The following DHX16 variants were observed in gnomAD, a reference collection of about 807,000 sequenced individuals.
The protein encoded by DHX16 is pre-mRNA-splicing factor ATP-dependent RNA helicase DHX16.
A neutral mutation model predicts 131.2 loss-of-function variants in DHX16; 81 were observed. The ratio of observed to expected loss-of-function variants is 0.62; its 90% confidence interval spans 0.52 to 0.74. The LOEUF is 0.74. Ranked by LOEUF, DHX16 falls within the 30% of genes least tolerant of loss-of-function variation. The probability of loss-of-function intolerance (pLI) is 0.00; values close to 1 mark genes in which losing one functional copy is unlikely to be tolerated. For synonymous variants in DHX16, 440 were observed against 520.2 expected, an observed-to-expected ratio of 0.85 and a Z score of 2.10; for missense variants, 980 against 1,363.1, an observed-to-expected ratio of 0.72 and a Z score of 4.43.
Position 30,662,902 on chromosome 6 carries a change from A to G in DHX16, c.1428+9T>C, listed in dbSNP as rs1382530929. On this transcript the variant is annotated intron_variant, in intron 8 of 19. Coordinates refer to ENST00000376442, the MANE Select transcript of DHX16 (RefSeq NM_003587.5). This position sits in a 1 kb window ranked among gnomAD's most constrained non-coding sequence, Gnocchi z 4.7. ...CAGACTCTACCCCCCGGTTCCCTAG[A>G]AATCTCACCTCATTCCCAAGCTTCA... is the stretch of plus-strand genomic sequence containing the variant. 1 of 1,611,656 alleles carries G rather than the reference A, an allele frequency of 6.2e-7. No homozygotes were observed. Among genetic ancestry groups the G allele is most frequent in the Admixed American group, 1.7e-5 (1 of 59,992 alleles).
At position 30,665,166 on chromosome 6, in the gene DHX16, G is replaced by A. The variant is rs781207840; in HGVS notation, c.1030C>T (p.Arg344Ter). The A allele has an allele frequency of 8.7e-6, 14 of 1,612,816 alleles. No individual in the cohort carries two copies. Among genetic ancestry groups the A allele is most frequent in the Non-Finnish European group, 1.1e-5 (13 of 1,179,862 alleles). ...LGAASLKFGA[R>*]DAASQEPKYQ... ...TTGGGCTCCTGAGAGGCAGCATCTC[G>A]GGCCCCAAACTTCAGGGACGCTGCC... The change falls in exon 6 of 20, where the codon CGA becomes TGA. Residue 344 changes from arginine (R) to a stop codon, truncating the protein, a stop_gained. Coordinates refer to ENST00000376442, the MANE Select transcript of DHX16 (RefSeq NM_003587.5). LOFTEE classifies it high-confidence loss of function. This position sits in a 1 kb window ranked among gnomAD's most constrained non-coding sequence, Gnocchi z 4.8.
At chr6:30,671,439 C>G (rs1176964946) in intron 1 of DHX16, among the ~76,000 whole-genome samples, 165 bp from the exon 2 acceptor site, 1 of 152,180 alleles carries the variant, frequency 6.6e-6, no homozygotes, top group African/African-American at 2.4e-5. Context: ...CCTCCGCCTC[C>G]CAGGTTCAAG....
rs1562002121 is a variant in DHX16 at position 30,671,167 on chromosome 6, C to G, written c.315G>C (p.Glu105Asp). The G allele has an allele frequency of 2.5e-6, 4 of 1,613,094 alleles. No individual in the cohort carries two copies. Among genetic ancestry groups the G allele is most frequent in the Non-Finnish European group, 2.5e-6 (3 of 1,180,040 alleles). ...RSYRLLEDSE[E>D]SSEETVSRAG... ...CCCTACTCACAGTCTCCTCACTGCT[C>G]TCTTCACTGTCTTCCAGTAACCTAT... Residue 105 changes from glutamate to aspartate, a missense_variant, in exon 2 of 20, where the codon GAG becomes GAC. Physicochemically the swap from Glu to Asp is conservative, Grantham distance 45 (BLOSUM62 2). Around this residue, in one of 3 missense-constraint regions of DHX16, gnomAD observed 457 missense variants for 554.8 expected, o/e 0.82. Transcript: ENST00000376442.
At position 30,669,234 on chromosome 6, in the gene DHX16, C is replaced by T. The variant is rs187140838; in HGVS notation, c.666+1176G>A. On this transcript the variant is annotated intron_variant, in intron 4 of 19. Transcript: ENST00000376442. ...GTCAAGAGATCAAGACCATCCTGGC[C>T]AACATGATGAAATCTCCTCTACTAA... Among the ~76,000 whole-genome samples the T allele has an allele frequency of 4.1e-4, 62 of 152,132 alleles. No homozygotes were observed. The East Asian group carries it at 9.3e-3, about 23-fold the overall frequency.
Position 30,665,059 on chromosome 6 carries a change from C to G in DHX16, c.1125+12G>C, listed in dbSNP as rs1768896605. The G allele has an allele frequency of 6.2e-7, 1 of 1,613,868 alleles. No individual in the cohort carries two copies. Among genetic ancestry groups the G allele is most frequent in the Admixed American group, 1.7e-5 (1 of 59,978 alleles). ...GGGTCTTCCTCAGAAAGTCTCCCAG[C>G]TCCCCTCTTACCTCATCACCCTGGA... On this transcript the variant is annotated intron_variant, in intron 6 of 19. Transcript: ENST00000376442. The surrounding 1 kb of genome is among the most constrained non-coding windows in gnomAD (Gnocchi z 4.8).
chr6:30,659,363 C>A, intron 12 of DHX16, 109 bp downstream of exon 12: 2 of 1,207,504 alleles, frequency 1.7e-6, no homozygotes, highest in Non-Finnish European at 2.3e-6. Context: ...TGCTCCTCAG[C>A]TGTGTGCAGC....
At chr6:30,655,628 A>G (rs1767913076) in intron 16 of DHX16, 31 bp from the exon 17 acceptor site, 2 of 1,611,694 alleles carry the variant, frequency 1.2e-6, no homozygotes, top group African/African-American at 2.7e-5. Flanking sequence ...CATGAGTTCA[A>G]AGCAAGACAC....
In DHX16 at chr6:30,662,850, G is replaced by A; in HGVS notation, c.1428+61C>T. 3.2e-6 allele frequency: 5 copies of A among 1,569,768 alleles called. No homozygotes were observed. The highest frequency in any genetic ancestry group is 3.5e-6 in the Non-Finnish European group (4 of 1,142,288). The stretch of plus-strand genomic sequence containing the variant: ...CAAGACTTCTGCTGTAGGGACCTGA[G>A]GGAACTGTAGACTGAGTCACAGACC... On this transcript the variant is annotated intron_variant, in intron 8 of 19. Transcript: ENST00000376442. The surrounding 1 kb of genome is among the most constrained non-coding windows in gnomAD (Gnocchi z 4.7).
intron 19 of DHX16, among the ~76,000 whole-genome samples, chr6:30,654,006 C>G (rs1767715019): frequency 6.6e-6 from 1 of 152,010 alleles, no homozygotes; most frequent in Non-Finnish European, 1.5e-5. Context: ...GTAATCCCAG[C>G]TACACTGGAG....
intron 4 of DHX16, among the ~76,000 whole-genome samples, chr6:30,666,320 T>C (rs909722275): frequency 2.0e-5 from 3 of 152,216 alleles, no homozygotes; most frequent in African/African-American, 7.2e-5. Flanking sequence ...GGCTTTCTGG[T>C]ACTAACCTCT....
chr6:30,671,811 T>G (rs1769584641), intron 1 of DHX16, among the ~76,000 whole-genome samples: 1 of 151,938 alleles, frequency 6.6e-6, no homozygotes, highest in Non-Finnish European at 1.5e-5. Context: ...GGCTCCTAAG[T>G]AGCTAGAAAC....
rs1489590051 is a variant in DHX16, at chr6:30,662,636, G to C, written c.1535C>G (p.Ala512Gly). 9 of 1,612,326 alleles carry C rather than the reference G, an allele frequency of 5.6e-6. No homozygotes were observed. The highest frequency in any genetic ancestry group is 2.5e-6 in the Non-Finnish European group (3 of 1,179,454). Residue 512 changes from alanine to glycine, a missense_variant, in exon 9 of 20, where the codon GCG (alanine) becomes GGG (glycine). By Grantham distance (60) the Ala-to-Gly change is moderately conservative. Transcript: ENST00000376442. This position sits in a 1 kb window ranked among gnomAD's most constrained non-coding sequence, Gnocchi z 4.7. ...LREFLSEPDLASYSVVMVDEA... is the reference protein window; with the variant it reads ...LREFLSEPDLGSYSVVMVDEA... Reference sequence around the variant, plus strand: ...CAGAGATTAGAGATACCTGTAACTCGCCAGGTCAGGCTCAGAGAGGAACTC... The same window carrying C: ...CAGAGATTAGAGATACCTGTAACTCCCCAGGTCAGGCTCAGAGAGGAACTC...
rs755421363 is a variant in DHX16 at position 30,654,800 on chromosome 6, ACTGT to A, written c.2899_2902del (p.Thr967SerfsTer24). The A allele has an allele frequency of 9.9e-6, 16 of 1,613,014 alleles. No homozygotes were observed. Among genetic ancestry groups the A allele is most frequent in the South Asian group, 2.2e-5 (2 of 91,078 alleles). On this transcript the variant is annotated frameshift_variant, in exon 19 of 20. Transcript: ENST00000376442. LOFTEE classifies it high-confidence loss of function. ...GAGGGAGGAGTTGGGATGAATGAAG[ACTGT>A]CTGCTGCTGTTTCACTGTGCGGTAG...
In DHX16 at chr6:30,662,732, C is replaced by A. The variant is rs1768629567; in HGVS notation, c.1439G>T (p.Ser480Ile). 6.2e-7 allele frequency: 1 copy of A among 1,612,792 alleles called. No homozygotes were observed. Among genetic ancestry groups the A allele is most frequent in the Non-Finnish European group, 8.5e-7 (1 of 1,179,958 alleles). ...GVKLGNEVGYSIRFEDCTSER... is the reference protein window; with the variant it reads ...GVKLGNEVGYIIRFEDCTSER... ...TGATGTGCAGTCCTCAAAGCGGATG[C>A]TGTAGCCAACCTGGTCAAGGGAACC... Residue 480 changes from serine (S) to isoleucine (I), a missense_variant, in exon 9 of 20, where the codon AGC becomes ATC. This residue lies in a region of DHX16 where 309 missense variants were observed against 537.1 expected (regional missense o/e 0.58). Transcript: ENST00000376442. The surrounding 1 kb of genome is among the most constrained non-coding windows in gnomAD (Gnocchi z 4.7).
Position 30,655,352 on chromosome 6 carries a change from A to C in DHX16, c.2662-16T>G. 6.2e-7 allele frequency: 1 copy of C among 1,613,926 alleles called. No individual in the cohort carries two copies. The highest frequency in any genetic ancestry group is 8.5e-7 in the Non-Finnish European group (1 of 1,179,780). The stretch of plus-strand genomic sequence containing the variant: ...TCTCAGCCCACTGGGAAGACAGTTA[A>C]AAAGAAAGGAGAGATAATTAAGTAT... On this transcript the variant is annotated splice_polypyrimidine_tract_variant and intron_variant, in intron 17 of 19. Transcript: ENST00000376442.
rs748981908 is a variant in DHX16, at chr6:30,672,638, G to C, written c.204C>G (p.Asn68Lys). 3.1e-6 allele frequency: 5 copies of C among 1,609,690 alleles called. No homozygotes were observed. The highest frequency in any genetic ancestry group is 2.2e-5 in the South Asian group (2 of 91,026). The change falls in exon 1 of 20, where the codon AAC (asparagine) becomes AAG (lysine). Residue 68 changes from asparagine (N) to lysine (K), a missense_variant. Asn to Lys is a moderately conservative substitution (Grantham distance 94). Around this residue, in one of 3 missense-constraint regions of DHX16, gnomAD observed 457 missense variants for 554.8 expected, o/e 0.82. Transcript: ENST00000376442. ...CCCTCCCCACCCCTGCCGACACCTTGTTCCAGAGTCTCAGGGCGAAGTCCC... is the reference window on the plus strand; with the variant it reads ...CCCTCCCCACCCCTGCCGACACCTTCTTCCAGAGTCTCAGGGCGAAGTCCC... ...PARDFALRLW[N>K]KVPRKAVVEK...
chr6:30,655,380 A>T, intron 17 of DHX16, 44 bp from the exon 18 acceptor site: 1 of 1,613,996 alleles, frequency 6.2e-7, no homozygotes, highest in Non-Finnish European at 8.5e-7. Context: ...TTAAGTATAC[A>T]GCAGGACTAA....
chr6:30,657,351 G>C (rs1176892911), intron 12 of DHX16, among the ~76,000 whole-genome samples: 1 of 151,352 alleles, frequency 6.6e-6, no homozygotes, highest in East Asian at 1.9e-4. Context: ...TCAGAGATGG[G>C]AAATGGGGGT....
Position 30,662,590 on chromosome 6 carries a change from G to A in DHX16, c.1544+37C>T, listed in dbSNP as rs1768610253. 6.5e-7 allele frequency: 1 copy of A among 1,539,948 alleles called. No homozygotes were observed. Among genetic ancestry groups the A allele is most frequent in the African/African-American group, 1.4e-5 (1 of 73,450 alleles). On this transcript the variant is annotated intron_variant, in intron 9 of 19. Coordinates refer to ENST00000376442, the MANE Select transcript of DHX16 (RefSeq NM_003587.5). The surrounding 1 kb of genome is among the most constrained non-coding windows in gnomAD (Gnocchi z 4.7). Reference sequence around the variant, plus strand: ...AAGACAATGGCTGAATTGGCTGGGTGGGAAGAAGGGAGAGAAAGGCCAGAG... The same window carrying A: ...AAGACAATGGCTGAATTGGCTGGGTAGGAAGAAGGGAGAGAAAGGCCAGAG...
Sources: gnomAD v4.1 joint callset for allele counts (sites outside exome capture counted in the v4.1 genomes callset) on GRCh38, gnomAD v4.1.1 for gene constraint, gnomAD v4.1.1 regional missense constraint, Gnocchi (gnomAD v3.1) non-coding constraint, MANE v1.5 for transcripts, NCBI Gene and HGNC (gene_info 2026-07-23, HGNC 2026-07-21) for gene names.